The following CTPS2 variants were observed in gnomAD, a reference collection of about 807,000 sequenced individuals.
CTPS2 encodes the protein CTP synthase II.
In CTPS2, 19 loss-of-function variants were observed where a neutral mutation model predicts 46.8. The ratio of observed to expected loss-of-function variants is 0.41; its 90% CI spans 0.28 to 0.60. The LOEUF (loss-of-function observed/expected upper bound fraction) is 0.60. Ranked by LOEUF, CTPS2 falls within the 20% of genes least tolerant of loss-of-function variation. The pLI, the probability that CTPS2 is intolerant of heterozygous loss-of-function variation, is 0.35. For synonymous variants in CTPS2, 151 were observed against 165.2 expected (o/e 0.91, Z 0.66); for missense variants, 286 against 447.6 (o/e 0.64, Z 3.26).
intron 16 of CTPS2, among the ~76,000 whole-genome samples, chrX:16,616,008 A>T: frequency 8.9e-6 from 1 of 111,947 alleles, no homozygotes; most frequent in East Asian, 2.8e-4. Context: ...TCTTTTTTAA[A>T]TTTTTTTAAC....
chrX:16,595,719 C>T (rs751612696), intron 17 of CTPS2, among the ~76,000 whole-genome samples: 55 of 112,225 alleles, frequency 4.9e-4, no homozygotes, highest in Middle Eastern at 4.6e-3. Context: ...TAGCCATGTG[C>T]GCCTAGTGCC....
At chrX:16,630,626 C>T (rs1328672776) in intron 14 of CTPS2, among the ~76,000 whole-genome samples, 1 of 110,728 alleles carries the variant, frequency 9.0e-6, no homozygotes, top group Non-Finnish European at 1.9e-5. Flanking sequence ...ACCCCGTGCT[C>T]AAGGCCCACC....
rs1032865306 is a variant in CTPS2, at chrX:16,601,580, G to C, written c.1691+7961C>G. Among the ~76,000 whole-genome samples the C allele has an allele frequency of 7.6e-5, 8 of 105,074 alleles. 1 individual carries two copies. Among genetic ancestry groups the C allele is most frequent in the South Asian group, 9.7e-4 (2 of 2,054 alleles). 91.2% of individuals were successfully genotyped at this position (105,074 alleles called of 115,157 possible). ...AAACCAAGGGAAGCCATCGGGGGGG[G>C]GGGGGTTTAAGTTCCAAAATAATGT... On this transcript the variant is annotated intron_variant, in intron 17 of 18. Coordinates refer to ENST00000359276, the MANE Select transcript of CTPS2 (RefSeq NM_175859.3).
intron 9 of CTPS2, among the ~76,000 whole-genome samples, chrX:16,679,995 T>C (rs1922604477): frequency 9.0e-6 from 1 of 110,825 alleles, no homozygotes; most frequent in Non-Finnish European, 1.9e-5. Context: ...CCGAGAAAGA[T>C]TTTACAATGA....
Position 16,684,490 on chromosome X carries a change from C to G in CTPS2, c.873-1264G>C, listed in dbSNP as rs186239363. On this transcript the variant is annotated intron_variant, in intron 8 of 18. Transcript: ENST00000359276. ...CACCACTGCACTCCAGCCTAGGCCA[C>G]AGAGCGAGACTCTGTCTCCAAAAAA... 3.4e-5 allele frequency among the ~76,000 whole-genome samples: 3 copies of G among 88,019 alleles called. No homozygotes were observed. In the Admixed American group the frequency reaches 4.3e-4, roughly 13 times the overall value. 76.4% of individuals were successfully genotyped at this position (88,019 alleles called of 115,157 possible).
Sources: allele counts gnomAD v4.1 joint callset (sites outside exome capture counted in the v4.1 genomes callset), GRCh38; gene constraint gnomAD v4.1.1; transcripts MANE v1.5; gene names NCBI Gene and HGNC (gene_info 2026-07-23, HGNC 2026-07-21).